Variants in NAT10 observed in about 807,000 individuals in gnomAD.
NAT10 encodes N-acetyltransferase 10.
Under a neutral mutation model 132.2 loss-of-function variants are expected in NAT10, and 109 were observed. The observed-to-expected ratio is 0.82, with a 90% CI of 0.71 to 0.97. The LOEUF (loss-of-function observed/expected upper bound fraction) is 0.97. Among genes scored for constraint, NAT10 ranks in the 50% least tolerant of loss-of-function variants. The pLI is 0.00. For synonymous variants in NAT10, 479 were observed against 478.0 expected, an observed-to-expected ratio of 1.00 and a Z score of -0.03; for missense variants, 1,184 against 1,263.4, an observed-to-expected ratio of 0.94 and a Z score of 0.95.
At chr11:34,132,291 A>C in intron 15 of NAT10, 70 bp downstream of exon 15, 1 of 1,254,822 alleles carries the variant, frequency 8.0e-7, no homozygotes, top group Non-Finnish European at 1.2e-6. Context: ...CTTTTACTTG[A>C]TTTGCATATT....
intron 5 of NAT10, among the ~76,000 whole-genome samples, chr11:34,114,848 C>T (rs368568841): frequency 1.3e-5 from 2 of 152,166 alleles, no homozygotes; most frequent in African/African-American, 4.8e-5. Flanking sequence ...TCCTCCTGTA[C>T]TAGTCTCTAA....
At position 34,118,243 on chromosome 11, in the gene NAT10, G is replaced by GCC; in HGVS notation, c.623_624dup (p.Ile209ProfsTer28). 2 of 1,614,146 alleles carry GCC rather than the reference G, an allele frequency of 1.2e-6. No homozygotes were observed. Among genetic ancestry groups the GCC allele is most frequent in the Non-Finnish European group, 1.7e-6 (2 of 1,180,028 alleles). On this transcript the variant is annotated frameshift_variant, in exon 7 of 29. Transcript: ENST00000257829. LOFTEE classifies it high-confidence loss of function. ...TCATTGATGACCAGCTCAACATCCT[G>GCC]CCCATCTCCTCCCACGTTGCCACCA...
intron 23 of NAT10, 146 bp downstream of exon 23, chr11:34,139,641 G>A (rs900139760): frequency 7.4e-6 from 5 of 674,940 alleles, no homozygotes; most frequent in Non-Finnish European, 1.3e-5. Flanking sequence ...CGCTTGCCAG[G>A]CCCCTGCTCT....
intron 23 of NAT10, 96 bp downstream of exon 23, chr11:34,139,591 G>A (rs942958037): frequency 3.2e-5 from 36 of 1,108,326 alleles, no homozygotes; most frequent in Non-Finnish European, 4.6e-5. Context: ...TGGAAATTGA[G>A]GGACTGGTTC....
chr11:34,120,143 GTTTTTTTTT>G (rs771235436), intron 8 of NAT10, among the ~76,000 whole-genome samples: 1 of 94,152 alleles, frequency 1.1e-5, no homozygotes, highest in Non-Finnish European at 1.9e-5. Context: ...GTTGCTGTTG[GTTTTTTTTT>G]TTTTTTTTTT....
At chr11:34,116,010 T>A (rs1851777347) in intron 6 of NAT10, 126 bp downstream of exon 6, 1 of 832,264 alleles carries the variant, frequency 1.2e-6, no homozygotes, top group African/African-American at 1.7e-5. Flanking sequence ...AATGATGAGA[T>A]TCTTGACAGC....
intron 12 of NAT10, among the ~76,000 whole-genome samples, 173 bp from the exon 13 acceptor site, chr11:34,130,640 C>T (rs1421372338): frequency 6.6e-6 from 1 of 152,220 alleles, no homozygotes; most frequent in Non-Finnish European, 1.5e-5. Context: ...CACCGTGCCA[C>T]CCTGCCTCCT....
chr11:34,113,588 G>T (rs1851733649), intron 4 of NAT10, 128 bp from the exon 5 acceptor site: 4 of 1,172,216 alleles, frequency 3.4e-6, no homozygotes, highest in Middle Eastern at 2.2e-4. Flanking sequence ...GGTGAGCCAA[G>T]ATTGCGCCAC....
At chr11:34,123,697 T>C in intron 9 of NAT10, 65 bp from the exon 10 acceptor site, 1 of 1,286,148 alleles carries the variant, frequency 7.8e-7, no homozygotes, top group Non-Finnish European at 1.1e-6. Context: ...ATATTTTCTT[T>C]TTTAAATTGT....
intron 9 of NAT10, 78 bp downstream of exon 9, chr11:34,122,670 G>T: frequency 6.4e-7 from 1 of 1,555,312 alleles, no homozygotes; most frequent in South Asian, 1.2e-5. Flanking sequence ...TCAGAGGACT[G>T]GTATCTCACG....
chr11:34,132,181 T>G lies in NAT10; in HGVS notation c.1577T>G (p.Leu526Arg). The part of the protein sequence containing the change: ...FCYHKASEVF[L>R]QRLMALYVAS... ...TACCACAAGGCCTCTGAAGTTTTCC[T>G]CCAACGGCTTATGGCCCTCTACGTG... Residue 526 changes from leucine to arginine, a missense_variant, in exon 15 of 29, where the codon CTC becomes CGC. Transcript: ENST00000257829. 6.2e-7 allele frequency: 1 copy of G among 1,614,210 alleles called. No homozygotes were observed. The highest frequency in any genetic ancestry group is 8.5e-7 in the Non-Finnish European group (1 of 1,180,014).
At chr11:34,115,979 A>T (rs919737935) in intron 6 of NAT10, 95 bp downstream of exon 6, 2 of 1,129,748 alleles carry the variant, frequency 1.8e-6, no homozygotes, top group Non-Finnish European at 2.6e-6. Flanking sequence ...TATATTGGGG[A>T]AAGTAGTACA....
intron 8 of NAT10, among the ~76,000 whole-genome samples, chr11:34,122,200 T>G (rs1264872202): frequency 6.6e-6 from 1 of 152,052 alleles, no homozygotes; most frequent in Non-Finnish European, 1.5e-5. Flanking sequence ...AAGTCTGATG[T>G]GCAGGGAAGT....
rs1852320351 is a variant in NAT10 at position 34,141,148 on chromosome 11, T to C, written c.2652T>C (p.Ile884=). 9 of 1,613,878 alleles carry C rather than the reference T, an allele frequency of 5.6e-6. No individual in the cohort carries two copies. The highest frequency in any genetic ancestry group is 7.6e-6 in the Non-Finnish European group (9 of 1,179,994). ...HKSVDQLEKE[I]ELPSGQLMGL... ...CTGTGGACCAGCTGGAAAAGGAGATTGAGCTGCCCTCGGGCCAGTTGATGG... is the reference window on the plus strand; with the variant it reads ...CTGTGGACCAGCTGGAAAAGGAGATCGAGCTGCCCTCGGGCCAGTTGATGG... Residue 884 remains isoleucine, a synonymous_variant, in exon 25 of 29, where the codon ATT becomes ATC. Transcript: ENST00000257829.
Position 34,140,491 on chromosome 11 carries a change from C to T in NAT10, c.2511C>T (p.Leu837=). ...CACGGAATATGGTGGACTATCACCT[C>T]ATCATGGACATGATCCCGGCCATCT... ...MYSRNMVDYH[L]IMDMIPAISR... Residue 837 remains leucine, a synonymous_variant, in exon 24 of 29, where the codon CTC becomes CTT. Coordinates refer to ENST00000257829, the MANE Select transcript of NAT10 (RefSeq NM_024662.3). 6.2e-7 allele frequency: 1 copy of T among 1,614,216 alleles called. No homozygotes were observed. Among genetic ancestry groups the T allele is most frequent in the Admixed American group, 1.7e-5 (1 of 60,018 alleles).
At chr11:34,142,425 A>G (rs1852353039) in intron 27 of NAT10, 77 bp downstream of exon 27, 2 of 1,265,758 alleles carry the variant, frequency 1.6e-6, no homozygotes, top group African/African-American at 3.0e-5. Flanking sequence ...TCTTCTAATC[A>G]TATCCCACGT....
chr11:34,131,079 T>G (rs752445940), intron 13 of NAT10, 142 bp downstream of exon 13: 1 of 1,329,200 alleles, frequency 7.5e-7, no homozygotes, highest in Non-Finnish European at 1.0e-6. Context: ...AGAGGAGAAG[T>G]AGCTTTTTTC....
Position 34,134,437 on chromosome 11 carries a change from G to C in NAT10, c.1836+17G>C, listed in dbSNP as rs1177326243. Reference sequence around the variant, plus strand: ...TCAGAACAGGTGACGGGCTTTCCCTGGTGTGTCTGAGGGAAGCTGGTGGTG... The same window carrying C: ...TCAGAACAGGTGACGGGCTTTCCCTCGTGTGTCTGAGGGAAGCTGGTGGTG... On this transcript the variant is annotated intron_variant, in intron 17 of 28. Coordinates refer to ENST00000257829, the MANE Select transcript of NAT10 (RefSeq NM_024662.3). The C allele has an allele frequency of 1.2e-6, 2 of 1,613,606 alleles. No homozygotes were observed. Among genetic ancestry groups the C allele is most frequent in the Non-Finnish European group, 1.7e-6 (2 of 1,179,634 alleles).
intron 11 of NAT10, among the ~76,000 whole-genome samples, chr11:34,126,608 A>G (rs1851998441): frequency 6.6e-6 from 1 of 152,192 alleles, no homozygotes. Flanking sequence ...GCCAGCATTC[A>G]TTTGAGTTTT....
Sources: gnomAD v4.1 joint callset for allele counts (sites outside exome capture counted in the v4.1 genomes callset) on GRCh38, gnomAD v4.1.1 for gene constraint, MANE v1.5 for transcripts, NCBI Gene and HGNC (gene_info 2026-07-23, HGNC 2026-07-21) for gene names.